The following KLHL1 variants were observed in gnomAD, a reference collection of about 807,000 sequenced individuals.
KLHL1 encodes the protein kelch like family member 1, also known as kelch-like protein 1.
In KLHL1, 47 loss-of-function variants were observed where a neutral mutation model predicts 77.7. The ratio of observed to expected loss-of-function variants is 0.60; its 90% CI spans 0.48 to 0.77. KLHL1 has a LOEUF of 0.77. Among genes scored for constraint, KLHL1 ranks in the 30% least tolerant of loss-of-function variants. The pLI is 0.00. For missense variants in KLHL1, 925 were observed against 910.8 expected, an observed-to-expected ratio of 1.02 and a Z score of -0.20; for synonymous variants, 360 against 325.2, an observed-to-expected ratio of 1.11 and a Z score of -1.15.
At chr13:70,010,982 G>A (rs1163416906) in intron 1 of KLHL1, among the ~76,000 whole-genome samples, 1 of 152,004 alleles carries the variant, frequency 6.6e-6, no homozygotes, top group Non-Finnish European at 1.5e-5. Context: ...TAGGCTACTG[G>A]ATAAACATTC....
chr13:69,834,015 A>G (rs1593871454), intron 6 of KLHL1, among the ~76,000 whole-genome samples: 1 of 151,994 alleles, frequency 6.6e-6, no homozygotes, highest in Admixed American at 6.6e-5. Flanking sequence ...GTTCTCATTT[A>G]TAAGTGTGAG....
chr13:69,945,623 C>T lies in KLHL1; in HGVS notation c.818-5387G>A, dbSNP rs559951326. ...TAAAAAACTGGGCAAATGATTTATA[C>T]AGACATCCCACAAAAGAAAATATAT... On this transcript the variant is annotated intron_variant, in intron 3 of 10. Coordinates refer to ENST00000377844, the MANE Select transcript of KLHL1 (RefSeq NM_020866.3). Among the ~76,000 whole-genome samples the T allele has an allele frequency of 2.0e-5, 3 of 152,190 alleles. No individual in the cohort carries two copies. In the South Asian group the frequency reaches 6.2e-4, roughly 32 times the overall value.
chr13:70,104,196 G>A (rs145065900), intron 1 of KLHL1, among the ~76,000 whole-genome samples: 300 of 152,190 alleles, frequency 2.0e-3, no homozygotes, highest in African/African-American at 6.8e-3. Flanking sequence ...ATTTAGACAG[G>A]GAAGTAGAGA....
At position 69,975,774 on chromosome 13, in the gene KLHL1, G is replaced by T; in HGVS notation, c.526C>A (p.Pro176Thr). 6.2e-7 allele frequency: 1 copy of T among 1,610,350 alleles called. No homozygotes were observed. Reference sequence around the variant, plus strand: ...CTACTGGAGTCCAAATCACTTTGAGGTGTCATTGAATGGCCGGTTGATGAC... The same window carrying T: ...CTACTGGAGTCCAAATCACTTTGAGTTGTCATTGAATGGCCGGTTGATGAC... The part of the protein sequence containing the change: ...RLSSTGHSMT[P>T]QSDLDSSSSE... The change falls in exon 2 of 11, where the codon CCT (proline) becomes ACT (threonine). Residue 176 changes from proline (P) to threonine (T), a missense_variant. Physicochemically the swap from Pro to Thr is conservative, Grantham distance 38. Coordinates refer to ENST00000377844, the MANE Select transcript of KLHL1 (RefSeq NM_020866.3).
intron 3 of KLHL1, 101 bp from the exon 4 acceptor site, chr13:69,940,337 C>T: frequency 1.3e-6 from 1 of 763,034 alleles, no homozygotes. Flanking sequence ...TAGAACAGAT[C>T]TAAACTGAGA....
At chr13:70,087,055 T>C (rs1454610039) in intron 1 of KLHL1, among the ~76,000 whole-genome samples, 1 of 152,120 alleles carries the variant, frequency 6.6e-6, no homozygotes, top group Admixed American at 6.5e-5. Context: ...CAGAGAAAAT[T>C]ACCAGTGTTT....
At position 69,804,284 on chromosome 13, in the gene KLHL1, T is replaced by C. The variant is rs1239695873; in HGVS notation, c.1415-7322A>G. 2.0e-5 allele frequency among the ~76,000 whole-genome samples: 3 copies of C among 152,114 alleles called. No individual in the cohort carries two copies. In the South Asian group the frequency reaches 6.2e-4, roughly 31 times the overall value. ...AGGTCTCTCAGGAGATATTCACTTA[T>C]GTAGACAAATATAATTTTTTTGTGG... On this transcript the variant is annotated intron_variant, in intron 6 of 10. Transcript: ENST00000377844.
At chr13:69,704,679 A>G (rs970091224) in intron 10 of KLHL1, among the ~76,000 whole-genome samples, 1 of 151,676 alleles carries the variant, frequency 6.6e-6, no homozygotes, top group Non-Finnish European at 1.5e-5. Flanking sequence ...ACATAAGTAC[A>G]TTTTCAATGT....
intron 9 of KLHL1, among the ~76,000 whole-genome samples, chr13:69,716,822 T>C (rs552635781): frequency 6.6e-6 from 1 of 152,270 alleles, no homozygotes; most frequent in Admixed American, 6.5e-5. Context: ...TGAAAAACAA[T>C]AGTTGCTGAC....
intron 1 of KLHL1, among the ~76,000 whole-genome samples, chr13:70,103,406 T>A (rs1887971975): frequency 6.6e-6 from 1 of 152,072 alleles, no homozygotes; most frequent in Non-Finnish European, 1.5e-5. Context: ...TCAGCGAGTG[T>A]TGGAAGTCCT....
chr13:69,976,044 A>G (rs1315380480), intron 1 of KLHL1, among the ~76,000 whole-genome samples: 1 of 152,128 alleles, frequency 6.6e-6, no homozygotes. Context: ...GTTTAAAAAT[A>G]TGTTGTCTGT....
chr13:69,901,630 A>G (rs118063121), intron 4 of KLHL1, among the ~76,000 whole-genome samples: 1,932 of 152,316 alleles, frequency 0.013, 20 homozygotes, highest in Non-Finnish European at 0.019. Context: ...TTAAAGGGTA[A>G]ATAGTGATCA....
chr13:69,910,291 T>C (rs1882194024), intron 4 of KLHL1, among the ~76,000 whole-genome samples: 1 of 152,124 alleles, frequency 6.6e-6, no homozygotes, highest in Non-Finnish European at 1.5e-5. Flanking sequence ...AAAAGTGTTA[T>C]GTTGTTGAAG....
chr13:69,844,011 TACAA>T (rs1052907235), intron 5 of KLHL1, among the ~76,000 whole-genome samples: 9 of 151,570 alleles, frequency 5.9e-5, no homozygotes, highest in Non-Finnish European at 1.3e-4. Context: ...AAGAAAATGT[TACAA>T]ACAAATACAT....
chr13:69,836,006 T>C (rs1021304845), intron 6 of KLHL1, among the ~76,000 whole-genome samples: 4 of 152,068 alleles, frequency 2.6e-5, no homozygotes, highest in Non-Finnish European at 5.9e-5. Flanking sequence ...CTTCAGTTCA[T>C]AGTACAAAAT....
intron 4 of KLHL1, among the ~76,000 whole-genome samples, chr13:69,897,613 C>T (rs767345090): frequency 6.6e-6 from 1 of 152,152 alleles, no homozygotes; most frequent in Non-Finnish European, 1.5e-5. Context: ...CCCCCTTCCT[C>T]CAGAGTGCGT....
At chr13:69,915,250 T>G (rs1340190044) in intron 4 of KLHL1, among the ~76,000 whole-genome samples, 1 of 152,038 alleles carries the variant, frequency 6.6e-6, no homozygotes, top group East Asian at 1.9e-4. Flanking sequence ...TACTTTCAAG[T>G]TCATATGGAA....
chr13:69,882,914 A>G (rs1244903602), intron 4 of KLHL1, among the ~76,000 whole-genome samples: 1 of 152,238 alleles, frequency 6.6e-6, no homozygotes, highest in East Asian at 1.9e-4. Flanking sequence ...AAGTAGCACT[A>G]TAAGATGCAC....
chr13:69,846,371 T>C (rs1055814264), intron 5 of KLHL1, among the ~76,000 whole-genome samples: 4 of 151,494 alleles, frequency 2.6e-5, no homozygotes, highest in Admixed American at 6.6e-5. Flanking sequence ...CCAGGAAATA[T>C]ATAGGATAAA....
Sources: allele counts gnomAD v4.1 joint callset (sites outside exome capture counted in the v4.1 genomes callset), GRCh38; gene constraint gnomAD v4.1.1; transcripts MANE v1.5; gene names NCBI Gene and HGNC (gene_info 2026-07-23, HGNC 2026-07-21).